Variants in GCAT observed in about 807,000 individuals in gnomAD.
The protein encoded by GCAT is 2-amino-3-ketobutyrate coenzyme A ligase, mitochondrial.
GCAT carries 26 observed loss-of-function variants against 39.7 expected under a neutral mutation model. The observed-to-expected ratio is 0.65, with a 90% confidence interval of 0.48 to 0.91. The LOEUF (loss-of-function observed/expected upper bound fraction) is 0.91. Ranked by LOEUF, GCAT falls within the 40% of genes least tolerant of loss-of-function variation. The pLI is 0.00. For synonymous variants in GCAT, 218 were observed against 237.2 expected (o/e 0.92, Z 0.74); for missense variants, 550 against 576.2 (o/e 0.95, Z 0.47).
At chr22:37,811,699 G>A (rs550889145) in intron 2 of GCAT, among the ~76,000 whole-genome samples, 4 of 151,620 alleles carry the variant, frequency 2.6e-5, no homozygotes, top group East Asian at 1.9e-4. Flanking sequence ...TTGGGAGGCC[G>A]AGGTGGGTGG....
At chr22:37,808,410 A>G (rs1921210125) in intron 1 of GCAT, among the ~76,000 whole-genome samples, 1 of 152,170 alleles carries the variant, frequency 6.6e-6, no homozygotes, top group Admixed American at 6.5e-5. Flanking sequence ...GTCTCTACCA[A>G]TTGTTGCTGC....
Position 37,815,191 on chromosome 22 carries a change from G to C in GCAT, c.642G>C (p.Leu214=), listed in dbSNP as rs1409824981. Residue 214 remains leucine, a synonymous_variant, in exon 5 of 9, where the codon CTG becomes CTC. Transcript: ENST00000248924. ...AFSMDGDIAP[L]QEICCLASRY... is the part of the protein sequence containing the mutation. ...CCATGGATGGCGACATCGCACCCCT[G>C]CAGGAGATCTGCTGCCTCGCCTCTA... 7.4e-6 allele frequency: 12 copies of C among 1,613,926 alleles called. No homozygotes were observed. The East Asian group carries it at 2.7e-4, about 36-fold the overall frequency.
chr22:37,813,231 C>T (rs1037188341), intron 3 of GCAT: 18 of 663,626 alleles, frequency 2.7e-5, no homozygotes, highest in Non-Finnish European at 4.4e-5. Context: ...CTGGGGGAGG[C>T]GGGGGCCTGG....
At position 37,816,648 on chromosome 22, in the gene GCAT, G is replaced by A; in HGVS notation, c.1190G>A (p.Ser397Asn). The A allele has an allele frequency of 1.9e-6, 3 of 1,614,174 alleles. No homozygotes were observed. Among genetic ancestry groups the A allele is most frequent in the East Asian group, 4.5e-5 (2 of 44,886 alleles). ...CGGGTACAGATCTCAGCAGTGCATA[G>A]CGAGGAAGACATTGACCGCTGCGTG... ...RIRVQISAVH[S>N]EEDIDRCVEA... The change falls in exon 9 of 9, where the codon AGC (serine) becomes AAC (asparagine). Residue 397 changes from serine (S) to asparagine (N), a missense_variant. Physicochemically the swap from Ser to Asn is conservative, Grantham distance 46. Around this residue, in one of 3 missense-constraint regions of GCAT, gnomAD observed 378 missense variants for 390.4 expected, o/e 0.97. Transcript: ENST00000248924.
At chr22:37,808,187 T>C in intron 1 of GCAT, 24 bp downstream of exon 1, 1 of 1,446,558 alleles carries the variant, frequency 6.9e-7, no homozygotes, top group Non-Finnish European at 9.1e-7. Flanking sequence ...CCGGGAGTCG[T>C]TCCAAGACCT....
chr22:37,813,000 C>G lies in GCAT; in HGVS notation c.429+12C>G. ...CCGGCCTCTTTGAGGTGTGTGGAAGCTGTCCTGCGGGTGAGGGTTGGTGGG... is the reference window on the plus strand; with the variant it reads ...CCGGCCTCTTTGAGGTGTGTGGAAGGTGTCCTGCGGGTGAGGGTTGGTGGG... On this transcript the variant is annotated intron_variant, in intron 3 of 8. Transcript: ENST00000248924. 1.3e-6 allele frequency: 2 copies of G among 1,588,108 alleles called. No homozygotes were observed. The highest frequency in any genetic ancestry group is 1.7e-6 in the Non-Finnish European group (2 of 1,156,418).
chr22:37,813,434 A>T, intron 3 of GCAT, 29 bp from the exon 4 acceptor site: 1 of 1,571,774 alleles, frequency 6.4e-7, no homozygotes, highest in Non-Finnish European at 8.6e-7. Context: ...TGGTTAAATG[A>T]TGGCTCTACG....
At chr22:37,812,793 G>A (rs1471067470) in intron 2 of GCAT, 94 bp from the exon 3 acceptor site, 4 of 819,088 alleles carry the variant, frequency 4.9e-6, no homozygotes, top group Non-Finnish European at 8.4e-6. Flanking sequence ...GGCTTTCTGG[G>A]TTGGGTCTCT....
rs779229892 is a variant in GCAT at position 37,810,130 on chromosome 22, C to G, written c.300C>G (p.Ser100Arg). The G allele has an allele frequency of 1.2e-6, 2 of 1,613,858 alleles. No homozygotes were observed. Among genetic ancestry groups the G allele is most frequent in the Non-Finnish European group, 1.7e-6 (2 of 1,179,684 alleles). Reference sequence around the variant, plus strand: ...TGGAGGAGTTTGGAGCTGGCCTCAGCTCTGTCCGCTTTATCTGTGGAACCC... The same window carrying G: ...TGGAGGAGTTTGGAGCTGGCCTCAGGTCTGTCCGCTTTATCTGTGGAACCC... The part of the protein sequence containing the change: ...QALEEFGAGL[S>R]SVRFICGTQS... The change falls in exon 2 of 9, where the codon AGC becomes AGG. Residue 100 changes from serine to arginine, a missense_variant. Ser to Arg is a moderately radical substitution (Grantham distance 110, BLOSUM62 -1). This residue lies in a region of GCAT where 154 missense variants were observed against 141.9 expected (regional missense o/e 1.08). Transcript: ENST00000248924.
intron 1 of GCAT, 113 bp from the exon 2 acceptor site, chr22:37,809,914 T>C: frequency 7.1e-7 from 1 of 1,401,604 alleles, no homozygotes; most frequent in South Asian, 1.2e-5. Context: ...CAATGGTGAC[T>C]CCAGGTCTGT....
chr22:37,817,026 T>G (rs1922275346), downstream of GCAT: 2 of 285,942 alleles, frequency 7.0e-6, no homozygotes, highest in East Asian at 1.3e-4. Flanking sequence ...TTTCCCTAGA[T>G]TAAGATGGGA....
At position 37,808,067 on chromosome 22, in the gene GCAT, G is replaced by A; in HGVS notation, c.100G>A (p.Glu34Lys). ...LAQLRGILEG[E>K]LEGIRGAGTW... ...CCAGCTGCGTGGCATTCTGGAGGGG[G>A]AGCTGGAAGGCATCCGCGGAGCTGG... is the stretch of plus-strand genomic sequence containing the variant. Residue 34 changes from glutamate to lysine, a missense_variant, in exon 1 of 9, where the codon GAG (glutamate) becomes AAG (lysine). Coordinates refer to ENST00000248924, the MANE Select transcript of GCAT (RefSeq NM_014291.4). 4 of 1,566,634 alleles carry A rather than the reference G, an allele frequency of 2.6e-6. No homozygotes were observed. Among genetic ancestry groups the A allele is most frequent in the Non-Finnish European group, 3.5e-6 (4 of 1,157,880 alleles).
intron 1 of GCAT, among the ~76,000 whole-genome samples, chr22:37,808,477 A>G (rs1397565474): frequency 1.3e-5 from 2 of 152,228 alleles, no homozygotes; most frequent in Non-Finnish European, 2.9e-5. Flanking sequence ...TTTACAAACG[A>G]AGAGGCTGAA....
At chr22:37,815,606 T>G (rs1231359197) in intron 6 of GCAT, 57 bp from the exon 7 acceptor site, 7 of 1,488,742 alleles carry the variant, frequency 4.7e-6, no homozygotes, top group African/African-American at 4.1e-5. Flanking sequence ...CAGGAGGGGG[T>G]TGGGTAGGCT....
intron 6 of GCAT, 41 bp downstream of exon 6, chr22:37,815,541 T>C: frequency 6.4e-7 from 1 of 1,553,588 alleles, no homozygotes; most frequent in Non-Finnish European, 8.8e-7. Flanking sequence ...CTTGTCCTTT[T>C]GAAGGGCCCT....
intron 2 of GCAT, 90 bp downstream of exon 2, chr22:37,810,247 G>T: frequency 1.1e-6 from 1 of 940,666 alleles, no homozygotes; most frequent in Admixed American, 1.7e-5. Context: ...GCTCAGCTCA[G>T]CCACAGCCCT....
intron 3 of GCAT, 29 bp from the exon 4 acceptor site, chr22:37,813,434 A>C (rs1408074238): frequency 6.4e-7 from 1 of 1,571,774 alleles, no homozygotes; most frequent in Non-Finnish European, 8.6e-7. Flanking sequence ...TGGTTAAATG[A>C]TGGCTCTACG....
chr22:37,816,461 G>A, intron 8 of GCAT, 106 bp from the exon 9 acceptor site: 1 of 1,534,230 alleles, frequency 6.5e-7, no homozygotes, highest in Non-Finnish European at 8.9e-7. Flanking sequence ...AACACCCCAA[G>A]CCATGAGGCA....
Position 37,815,283 on chromosome 22 carries a change from G to C in GCAT, c.731+3G>C, listed in dbSNP as rs1205758823. ...GGCTTCCTGGGGCCCACAGGACGGTGGGACCATGTGGCACCTGAGGCCTGG... is the reference window on the plus strand; with the variant it reads ...GGCTTCCTGGGGCCCACAGGACGGTCGGACCATGTGGCACCTGAGGCCTGG... On this transcript the variant is annotated splice_donor_region_variant and intron_variant, in intron 5 of 8. Coordinates refer to ENST00000248924, the MANE Select transcript of GCAT (RefSeq NM_014291.4). 6.2e-7 allele frequency: 1 copy of C among 1,612,690 alleles called. No homozygotes were observed. Among genetic ancestry groups the C allele is most frequent in the Non-Finnish European group, 8.5e-7 (1 of 1,179,166 alleles).
Sources: gnomAD v4.1 joint callset for allele counts (sites outside exome capture counted in the v4.1 genomes callset) on GRCh38, gnomAD v4.1.1 for gene constraint, gnomAD v4.1.1 regional missense constraint, MANE v1.5 for transcripts, NCBI Gene and HGNC (gene_info 2026-07-23, HGNC 2026-07-21) for gene names.